GABRB2: variants seen among roughly 807,000 people sequenced by gnomAD.
GABRB2 encodes gamma-aminobutyric acid type A receptor subunit beta2.
GABRB2 carries 16 observed loss-of-function variants against 54.7 expected under a neutral mutation model. The ratio of observed to expected loss-of-function variants is 0.29; its 90% CI spans 0.20 to 0.44. The LOEUF is 0.44. Among genes scored for constraint, GABRB2 ranks in the 20% least tolerant of loss-of-function variants. The pLI is 1.00. For synonymous variants in GABRB2, 244 were observed against 233.8 expected (o/e 1.04, Z -0.40); for missense variants, 355 against 644.0 (o/e 0.55, Z 4.86).
chr5:161,459,921 A>C, intron 3 of GABRB2, 77 bp from the exon 4 acceptor site: 2 of 730,554 alleles, frequency 2.7e-6, no homozygotes, highest in Admixed American at 5.4e-5. Flanking sequence ...TCTCAGTATT[A>C]ATAAGAAAAT....
At chr5:161,495,745 T>A (rs766132820) in intron 3 of GABRB2, among the ~76,000 whole-genome samples, 1 of 152,076 alleles carries the variant, frequency 6.6e-6, no homozygotes, top group Non-Finnish European at 1.5e-5. Context: ...CAAAAGGAGA[T>A]GTACTACTGC....
intron 7 of GABRB2, among the ~76,000 whole-genome samples, chr5:161,331,928 G>A (rs1308325613): frequency 6.6e-6 from 1 of 152,088 alleles, no homozygotes; most frequent in Non-Finnish European, 1.5e-5. Flanking sequence ...CACTTTGGGA[G>A]GCCGAGGCGG....
chr5:161,413,063 C>T (rs185394661), intron 4 of GABRB2, among the ~76,000 whole-genome samples: 1 of 152,184 alleles, frequency 6.6e-6, no homozygotes, highest in East Asian at 1.9e-4. Flanking sequence ...CCACTGCACT[C>T]CCTTATTTAT....
At chr5:161,391,578 T>C (rs910738213) in intron 5 of GABRB2, among the ~76,000 whole-genome samples, 1 of 152,098 alleles carries the variant, frequency 6.6e-6, no homozygotes, top group African/African-American at 2.4e-5. Context: ...TTAGAAAACA[T>C]AACATCATCG....
intron 4 of GABRB2, among the ~76,000 whole-genome samples, chr5:161,426,308 A>T (rs1396466917): frequency 6.6e-6 from 1 of 152,096 alleles, no homozygotes; most frequent in African/African-American, 2.4e-5. Context: ...AATAAGTATA[A>T]TTTTCTTCTA....
At chr5:161,421,392 C>T (rs986296162) in intron 4 of GABRB2, among the ~76,000 whole-genome samples, 6 of 152,262 alleles carry the variant, frequency 3.9e-5, no homozygotes, top group African/African-American at 9.6e-5. Flanking sequence ...TCTTTCCCAC[C>T]GCCACATGTT....
At chr5:161,406,966 TA>T (rs1319859143) in intron 5 of GABRB2, among the ~76,000 whole-genome samples, 1 of 152,072 alleles carries the variant, frequency 6.6e-6, no homozygotes, top group African/African-American at 2.4e-5. Flanking sequence ...ACGAGAACAC[TA>T]AGCTCCTTCT....
At chr5:161,351,878 A>C (rs1265294160) in intron 5 of GABRB2, among the ~76,000 whole-genome samples, 2 of 152,082 alleles carry the variant, frequency 1.3e-5, no homozygotes, top group Non-Finnish European at 2.9e-5. Flanking sequence ...AATCCAATTA[A>C]AAAATGGGCA....
chr5:161,500,867 G>C (rs1759413459), intron 3 of GABRB2, among the ~76,000 whole-genome samples: 1 of 151,728 alleles, frequency 6.6e-6, no homozygotes, highest in Non-Finnish European at 1.5e-5. Flanking sequence ...AAGTTTTAGG[G>C]TACATGTGCA....
chr5:161,534,247 A>C (rs1243051201), intron 3 of GABRB2, among the ~76,000 whole-genome samples: 1 of 152,178 alleles, frequency 6.6e-6, no homozygotes, highest in African/African-American at 2.4e-5. Flanking sequence ...ATTAGGTAGA[A>C]GCAAGGGATT....
chr5:161,539,235 A>T (rs1006351951), intron 3 of GABRB2, among the ~76,000 whole-genome samples: 3 of 152,224 alleles, frequency 2.0e-5, no homozygotes, highest in Non-Finnish European at 4.4e-5. Flanking sequence ...AAGAATCTTA[A>T]CAAAAAGATT....
intron 4 of GABRB2, among the ~76,000 whole-genome samples, chr5:161,458,623 G>C (rs1758032565): frequency 6.6e-6 from 1 of 152,118 alleles, no homozygotes; most frequent in African/African-American, 2.4e-5. Context: ...CTTGGAACAG[G>C]GTTTATGTAC....
chr5:161,362,133 A>G (rs908170983), intron 5 of GABRB2, among the ~76,000 whole-genome samples: 1 of 152,084 alleles, frequency 6.6e-6, no homozygotes, highest in Non-Finnish European at 1.5e-5. Context: ...GCATTGGTCT[A>G]TATATCTGTT....
At chr5:161,413,362 T>C (rs1193343746) in intron 4 of GABRB2, among the ~76,000 whole-genome samples, 1 of 152,142 alleles carries the variant, frequency 6.6e-6, no homozygotes, top group Non-Finnish European at 1.5e-5. Flanking sequence ...TTAATTAAGA[T>C]TACATAAATA....
chr5:161,381,913 G>A (rs1755481165), intron 5 of GABRB2, among the ~76,000 whole-genome samples: 1 of 152,100 alleles, frequency 6.6e-6, no homozygotes, highest in Non-Finnish European at 1.5e-5. Context: ...TATATACACA[G>A]TACAGTATGG....
chr5:161,390,798 T>C (rs917555208), intron 5 of GABRB2, among the ~76,000 whole-genome samples: 18 of 152,280 alleles, frequency 1.2e-4, no homozygotes, highest in Middle Eastern at 3.4e-3. Context: ...TCTTTGCATC[T>C]AGTCTCATCC....
intron 5 of GABRB2, among the ~76,000 whole-genome samples, chr5:161,387,068 GT>G (rs1243007694): frequency 6.6e-6 from 1 of 151,940 alleles, no homozygotes; most frequent in East Asian, 1.9e-4. Flanking sequence ...TTATATTTTA[GT>G]TTTTATATTT....
At chr5:161,377,339 C>G (rs568043224) in intron 5 of GABRB2, among the ~76,000 whole-genome samples, 99 of 152,178 alleles carry the variant, frequency 6.5e-4, no homozygotes, top group African/African-American at 2.3e-3. Flanking sequence ...AGGTAATCAT[C>G]ATCCCTTATC....
Position 161,436,769 on chromosome 5 carries a change from C to A in GABRB2, c.458+22855G>T, listed in dbSNP as rs1757323620. 2.0e-5 allele frequency among the ~76,000 whole-genome samples: 3 copies of A among 152,124 alleles called. No homozygotes were observed. In the South Asian group the frequency reaches 6.2e-4, roughly 32 times the overall value. Reference sequence around the variant, plus strand: ...GAAAAAAGAGTTTGAATTGCTAGCGCCACCCCCTCCCCATCCCTAGCTGTC... The same window carrying A: ...GAAAAAAGAGTTTGAATTGCTAGCGACACCCCCTCCCCATCCCTAGCTGTC... On this transcript the variant is annotated intron_variant, in intron 4 of 9. Coordinates refer to ENST00000393959, the MANE Select transcript of GABRB2 (RefSeq NM_001371727.1).
Sources: gnomAD v4.1 joint callset for allele counts (sites outside exome capture counted in the v4.1 genomes callset) on GRCh38, gnomAD v4.1.1 for gene constraint, MANE v1.5 for transcripts, NCBI Gene and HGNC (gene_info 2026-07-23, HGNC 2026-07-21) for gene names.